TJAP1: variants seen among roughly 807,000 people sequenced by gnomAD.
TJAP1 encodes the protein tight junction associated protein 1.
In TJAP1, 27 loss-of-function variants were observed where a neutral mutation model predicts 42.0. The ratio of observed to expected loss-of-function variants is 0.64; its 90% CI spans 0.47 to 0.89. The LOEUF is 0.89. Ranked by LOEUF, TJAP1 falls within the 40% of genes least tolerant of loss-of-function variation. The probability of loss-of-function intolerance (pLI) is 0.00; values close to 1 mark genes in which losing one functional copy is unlikely to be tolerated. For synonymous variants in TJAP1, 257 were observed against 288.4 expected (o/e 0.89, Z 1.10); for missense variants, 712 against 726.9 (o/e 0.98, Z 0.24).
rs536745301 is a variant in TJAP1, at chr6:43,503,874, C to T, written c.579+168C>T. The T allele has an allele frequency of 4.3e-5, 31 of 726,396 alleles. No individual in the cohort carries two copies. In the East Asian group the frequency reaches 4.6e-4, roughly 11 times the overall value. The allele number at this position is 726,396 out of a possible 1,614,324, so 45.0% of individuals were successfully genotyped here. A position where few individuals can be genotyped will look rare whatever the true frequency, so the allele number is the denominator to read the frequency against. On this transcript the variant is annotated intron_variant, in intron 10 of 10. Transcript: ENST00000372449. Reference sequence around the variant, plus strand: ...TCAACTCTGCCACTGGTTGGTGTCCCGTGTACTGTCCAGGGCCCATCACTA... The same window carrying T: ...TCAACTCTGCCACTGGTTGGTGTCCTGTGTACTGTCCAGGGCCCATCACTA...
chr6:43,496,794 C>A (rs1477568630), intron 2 of TJAP1, among the ~76,000 whole-genome samples: 1 of 152,224 alleles, frequency 6.6e-6, no homozygotes, highest in African/African-American at 2.4e-5. Context: ...TTTTTCTGCC[C>A]AGAAGGCCAC....
chr6:43,489,976 G>A (rs1787447980), intron 2 of TJAP1, among the ~76,000 whole-genome samples: 1 of 152,190 alleles, frequency 6.6e-6, no homozygotes, highest in Non-Finnish European at 1.5e-5. Context: ...TGAGTCTGTC[G>A]CTAACTGCAC....
intron 8 of TJAP1, chr6:43,502,835 A>G: frequency 3.2e-6 from 2 of 618,416 alleles, no homozygotes; most frequent in Non-Finnish European, 5.7e-6. Flanking sequence ...GTACTGATTG[A>G]TGTCTCCACT....
At chr6:43,484,646 G>C (rs1786051596) in intron 2 of TJAP1, among the ~76,000 whole-genome samples, 1 of 152,194 alleles carries the variant, frequency 6.6e-6, no homozygotes, top group Admixed American at 6.5e-5. Context: ...TTTCTTGTGA[G>C]GAAGCAGTAA....
chr6:43,504,704 T>C (rs1415388495), intron 10 of TJAP1, 57 bp from the exon 11 acceptor site: 2 of 1,573,504 alleles, frequency 1.3e-6, no homozygotes, highest in Non-Finnish European at 8.6e-7. Flanking sequence ...TCGCCATGAG[T>C]CAAGTTATCT....
At chr6:43,480,115 G>A (rs751945580) in intron 2 of TJAP1, among the ~76,000 whole-genome samples, 31 of 152,222 alleles carry the variant, frequency 2.0e-4, no homozygotes, top group Non-Finnish European at 4.1e-4. Flanking sequence ...ATCGCATAGG[G>A]TTGTTGTGAA....
rs1792070740 is a variant in TJAP1, at chr6:43,505,317, C to T, written c.1136C>T (p.Pro379Leu). 2 of 1,610,294 alleles carry T rather than the reference C, an allele frequency of 1.2e-6. No homozygotes were observed. The highest frequency in any genetic ancestry group is 2.7e-5 in the African/African-American group (2 of 74,848). The stretch of plus-strand genomic sequence containing the variant: ...CGCCCCAGCCCAGTGCCCAGCACCC[C>T]TGCCTCAGCCCAGGCCTCACCCCAC... The change falls in exon 11 of 11, where the codon CCT becomes CTT. Residue 379 changes from proline to leucine, a missense_variant. By Grantham distance (98) the Pro-to-Leu change is moderately conservative (BLOSUM62 -3). Transcript: ENST00000372449. The surrounding 1 kb of genome is among the most constrained non-coding windows in gnomAD (Gnocchi z 5.5).
At chr6:43,485,377 C>CT (rs2127493514) in intron 2 of TJAP1, among the ~76,000 whole-genome samples, 1 of 152,306 alleles carries the variant, frequency 6.6e-6, no homozygotes, top group Non-Finnish European at 1.5e-5. Flanking sequence ...CCATTCTTTG[C>CT]TTTTTTGTTT....
intron 2 of TJAP1, among the ~76,000 whole-genome samples, chr6:43,484,277 G>A (rs933432599): frequency 1.3e-5 from 2 of 151,980 alleles, no homozygotes; most frequent in South Asian, 2.1e-4. Flanking sequence ...TGGCCAACAT[G>A]GTGAAGCCCT....
intron 8 of TJAP1, 167 bp downstream of exon 8, chr6:43,502,784 G>C: frequency 2.5e-6 from 2 of 799,882 alleles, no homozygotes; most frequent in South Asian, 3.0e-5. Flanking sequence ...CCAGGAGAGA[G>C]GTGGGGAGCC....
intron 2 of TJAP1, among the ~76,000 whole-genome samples, chr6:43,493,300 G>T (rs952130475): frequency 5.3e-5 from 8 of 152,182 alleles, no homozygotes; most frequent in African/African-American, 1.9e-4. Context: ...GAAAGGCTTC[G>T]TAGTAGGTTC....
At chr6:43,503,646 C>T in exon 10 of TJAP1, 1 of 1,614,100 alleles carries the variant, frequency 6.2e-7, no homozygotes, top group Non-Finnish European at 8.5e-7. Context: ...TGGACTGCAA[C>T]CTGGCTGTAC....
At chr6:43,501,377 T>C in intron 5 of TJAP1, 149 bp from the exon 6 acceptor site, 1 of 711,518 alleles carries the variant, frequency 1.4e-6, no homozygotes, top group Non-Finnish European at 2.4e-6. Context: ...ATATGCTGCC[T>C]TAGACTCAGA....
Position 43,501,409 on chromosome 6 carries a change from T to C in TJAP1, c.129-117T>C. On this transcript the variant is annotated intron_variant, in intron 5 of 10. Transcript: ENST00000372449. ...CAGACTAAGACTCCAGGAGTTTCCCTGTCCTGTTTGCCTGTCCTCATGTCA... is the reference window on the plus strand; with the variant it reads ...CAGACTAAGACTCCAGGAGTTTCCCCGTCCTGTTTGCCTGTCCTCATGTCA... 7 of 887,404 alleles carry C rather than the reference T, an allele frequency of 7.9e-6. No individual in the cohort carries two copies. In the South Asian group the frequency reaches 1.2e-4, roughly 15 times the overall value. 55.0% of individuals were successfully genotyped at this position (887,404 alleles called of 1,614,324 possible).
intron 8 of TJAP1, chr6:43,502,954 A>G: frequency 2.0e-6 from 1 of 490,828 alleles, no homozygotes; most frequent in Non-Finnish European, 3.7e-6. Context: ...GCTACTTTTG[A>G]GCCTGCAGCT....
In TJAP1 at chr6:43,505,138, G is replaced by C; in HGVS notation, c.957G>C (p.Pro319=). ...AGAAGCTGAACCCCTACCCAACCCC[G>C]TCTCCACCACACCCACTGTATCCTG... The change falls in exon 11 of 11, where the codon CCG becomes CCC. Residue 319 remains proline (P), a synonymous_variant. Transcript: ENST00000372449. This position sits in a 1 kb window ranked among gnomAD's most constrained non-coding sequence, Gnocchi z 5.5. The C allele has an allele frequency of 6.2e-7, 1 of 1,614,118 alleles. No individual in the cohort carries two copies. Among genetic ancestry groups the C allele is most frequent in the Non-Finnish European group, 8.5e-7 (1 of 1,180,004 alleles).
intron 3 of TJAP1, 128 bp from the exon 4 acceptor site, chr6:43,498,850 A>G (rs370147474): frequency 4.1e-6 from 4 of 972,298 alleles, no homozygotes; most frequent in East Asian, 2.8e-5. Context: ...TGACTCCAGT[A>G]ATGGCCCAGG....
Position 43,505,844 on chromosome 6 carries a change from C to T in TJAP1, c.1663C>T (p.Leu555=). Residue 555 remains leucine, a synonymous_variant, in exon 11 of 11, where the codon CTG becomes TTG. Transcript: ENST00000372449. The surrounding 1 kb of genome is among the most constrained non-coding windows in gnomAD (Gnocchi z 5.5). ...GACCCAGGCCCAGGAGCAGGGCAACCTGCTCAACTAGGGCCCCTGCTGGCC... is the reference window on the plus strand; with the variant it reads ...GACCCAGGCCCAGGAGCAGGGCAACTTGCTCAACTAGGGCCCCTGCTGGCC... 6.8e-7 allele frequency: 1 copy of T among 1,473,804 alleles called. No homozygotes were observed. Among genetic ancestry groups the T allele is most frequent in the Non-Finnish European group, 9.0e-7 (1 of 1,116,962 alleles). The allele number at this position is 1,473,804 out of a possible 1,614,324, so 91.3% of individuals were successfully genotyped here. A position where few individuals can be genotyped will look rare whatever the true frequency, so the allele number is the denominator to read the frequency against.
intron 2 of TJAP1, among the ~76,000 whole-genome samples, chr6:43,483,798 C>T (rs1785835214): frequency 6.6e-6 from 1 of 152,206 alleles, no homozygotes; most frequent in African/African-American, 2.4e-5. Context: ...GTAGCTCACT[C>T]CTGAAATCCC....
Sources: allele counts gnomAD v4.1 joint callset (sites outside exome capture counted in the v4.1 genomes callset), GRCh38; gene constraint gnomAD v4.1.1; non-coding constraint Gnocchi (gnomAD v3.1); transcripts MANE v1.5; gene names NCBI Gene and HGNC (gene_info 2026-07-23, HGNC 2026-07-21).